PTGR2: variants seen among roughly 807,000 people sequenced by gnomAD.
PTGR2 encodes 15-oxoprostaglandin 13-reductase.
In PTGR2, 32 loss-of-function variants were observed where a neutral mutation model predicts 43.4. That is an observed-to-expected ratio of 0.74 (90% CI 0.56 to 0.99). PTGR2 has a LOEUF of 0.99. PTGR2 is among the 50% of genes least tolerant of loss of function. The pLI is 0.00. For synonymous variants in PTGR2, 106 were observed against 139.2 expected (o/e 0.76, Z 1.68); for missense variants, 373 against 420.0 (o/e 0.89, Z 0.98).
chr14:73,882,446 G>A lies in PTGR2; in HGVS notation c.979+8G>A. 1 of 1,540,510 alleles carries A rather than the reference G, an allele frequency of 6.5e-7. No homozygotes were observed. The highest frequency in any genetic ancestry group is 1.4e-5 in the African/African-American group (1 of 73,318). ...GGTTGGAAAACATGGGAGGTAAGAT[G>A]AATGTAGACTTATTATATACACATG... On this transcript the variant is annotated splice_region_variant and intron_variant, in intron 9 of 9. Transcript: ENST00000555661.
At chr14:73,857,695 A>C (rs2054390044) in intron 1 of PTGR2, among the ~76,000 whole-genome samples, 1 of 38,724 alleles carries the variant, frequency 2.6e-5, no homozygotes, top group Non-Finnish European at 6.3e-5. Flanking sequence ...TTGAGACAGA[A>C]TCTCGCTCTG....
chr14:73,881,451 G>A (rs534075196), intron 8 of PTGR2, among the ~76,000 whole-genome samples, 159 bp downstream of exon 8: 1 of 152,258 alleles, frequency 6.6e-6, no homozygotes, highest in East Asian at 1.9e-4. Context: ...TCCCAGGTGA[G>A]TATAACCTCC....
At chr14:73,882,823 TTTTTTTTTTTTTTTTG>T (rs2055025008) in intron 9 of PTGR2, among the ~76,000 whole-genome samples, 1 of 112,018 alleles carries the variant, frequency 8.9e-6, no homozygotes, top group Admixed American at 9.5e-5. Flanking sequence ...TTTTTTTTTT[TTTTTTTTTTTTTTTTG>T]AGACGGAGTC....
At chr14:73,873,973 A>G (rs750681899) in intron 3 of PTGR2, 50 bp from the exon 4 acceptor site, 14 of 1,385,050 alleles carry the variant, frequency 1.0e-5, no homozygotes, top group Non-Finnish European at 1.3e-5. Flanking sequence ...AAATTAGTAG[A>G]GTGGTTTGAC....
chr14:73,879,213 G>C lies in PTGR2; in HGVS notation c.637G>C (p.Val213Leu). ...TGCAATTAATTATAAAAAAGACAAT[G>C]TGGCAGAACAGCTCCGTGAATCATG... ...DAAINYKKDN[V>L]AEQLRESCPA... The change falls in exon 6 of 10, where the codon GTG (valine) becomes CTG (leucine). Residue 213 changes from valine (V) to leucine (L), a missense_variant. Physicochemically the swap from Val to Leu is conservative, Grantham distance 32. Coordinates refer to ENST00000555661, the MANE Select transcript of PTGR2 (RefSeq NM_001146154.2). The C allele has an allele frequency of 6.2e-7, 1 of 1,614,082 alleles. No individual in the cohort carries two copies. Among genetic ancestry groups the C allele is most frequent in the Non-Finnish European group, 8.5e-7 (1 of 1,180,012 alleles).
At chr14:73,859,909 CACAA>C in intron 2 of PTGR2, among the ~76,000 whole-genome samples, 1 of 150,136 alleles carries the variant, frequency 6.7e-6, no homozygotes, top group East Asian at 2.0e-4. Flanking sequence ...CATGCAGTGG[CACAA>C]TCTCGGCTCA....
rs538411360 is a variant in PTGR2 at position 73,879,946 on chromosome 14, G to A, written c.730-109G>A. 3.4e-5 allele frequency: 36 copies of A among 1,056,594 alleles called. No homozygotes were observed. The African/African-American group carries it at 3.7e-4, about 11-fold the overall frequency. 65.5% of individuals were successfully genotyped at this position (1,056,594 alleles called of 1,614,324 possible). ...TAACAGGTAAATTAAAAAAAAAATCGAACTAGTTGACAGAAAGGATTAAAT... is the reference window on the plus strand; with the variant it reads ...TAACAGGTAAATTAAAAAAAAAATCAAACTAGTTGACAGAAAGGATTAAAT... On this transcript the variant is annotated intron_variant, in intron 6 of 9. Transcript: ENST00000555661.
At chr14:73,858,751 T>C in intron 1 of PTGR2, 65 bp from the exon 2 acceptor site, 1 of 731,348 alleles carries the variant, frequency 1.4e-6, no homozygotes, top group Non-Finnish European at 2.1e-6. Flanking sequence ...CAAATGGACT[T>C]CTTTTTTATT....
chr14:73,876,676 C>T (rs370981295), intron 4 of PTGR2, among the ~76,000 whole-genome samples: 1 of 151,832 alleles, frequency 6.6e-6, no homozygotes, highest in South Asian at 2.1e-4. Flanking sequence ...GGGGTTTCGC[C>T]ATGTTGGCTA....
chr14:73,853,486 C>T (rs956128862), intron 1 of PTGR2, among the ~76,000 whole-genome samples: 1 of 151,866 alleles, frequency 6.6e-6, no homozygotes, highest in Admixed American at 6.6e-5. Flanking sequence ...CCACGCCGGG[C>T]TGATTTTTGT....
intron 3 of PTGR2, among the ~76,000 whole-genome samples, chr14:73,863,124 C>T (rs1482769548): frequency 6.6e-6 from 1 of 152,132 alleles, no homozygotes; most frequent in Non-Finnish European, 1.5e-5. Context: ...ACTGTCATTA[C>T]AATCAGTTTT....
chr14:73,862,803 G>T (rs1203380502), intron 3 of PTGR2, among the ~76,000 whole-genome samples: 1 of 152,012 alleles, frequency 6.6e-6, no homozygotes, highest in African/African-American at 2.4e-5. Context: ...GACCTCCTGG[G>T]CTCAAGCAGT....
Position 73,885,412 on chromosome 14 carries a change from TTAA to T in PTGR2, c.*1237_*1239del, listed in dbSNP as rs2140284433. ...TGATGTACCTCAAAAGTTTGTTTTA[TTAA>T]TTGTACTCAACCCTCGCAGAACAGT... On this transcript the variant is annotated 3_prime_UTR_variant, in exon 10 of 10. Transcript: ENST00000555661. 6.6e-6 allele frequency: 1 copy of T among 152,376 alleles called. No homozygotes were observed. The highest frequency in any genetic ancestry group is 2.4e-5 in the African/African-American group (1 of 41,596). 9.4% of individuals were successfully genotyped at this position (152,376 alleles called of 1,614,324 possible).
rs890740237 is a variant in PTGR2, at chr14:73,876,913, A to G, written c.349-85A>G. The G allele has an allele frequency of 1.4e-5, 14 of 985,442 alleles. No homozygotes were observed. In the African/African-American group the frequency reaches 1.8e-4, roughly 13 times the overall value. The allele number at this position is 985,442 out of a possible 1,614,324, so 61.0% of individuals were successfully genotyped here. On this transcript the variant is annotated intron_variant, in intron 4 of 9. Transcript: ENST00000555661. ...ACTATATAAATGTTGTGGGGACGCAATTCAGTCCATAACACGTTGTCTCTA... is the reference window on the plus strand; with the variant it reads ...ACTATATAAATGTTGTGGGGACGCAGTTCAGTCCATAACACGTTGTCTCTA...
At chr14:73,884,061 A>G (rs1472520143) in intron 9 of PTGR2, 40 bp from the exon 10 acceptor site, 2 of 1,209,574 alleles carry the variant, frequency 1.7e-6, no homozygotes, top group Admixed American at 3.6e-5. Flanking sequence ...TATGATAGTG[A>G]CATTTATCTT....
intron 3 of PTGR2, among the ~76,000 whole-genome samples, chr14:73,862,944 G>A (rs1396036069): frequency 6.6e-6 from 1 of 152,078 alleles, no homozygotes; most frequent in African/African-American, 2.4e-5. Context: ...CTGGACTCAA[G>A]CAATACTCTT....
intron 3 of PTGR2, chr14:73,861,863 T>C (rs966309273): frequency 6.6e-6 from 1 of 152,020 alleles, no homozygotes; most frequent in African/African-American, 2.4e-5. Context: ...TGTTTTGACA[T>C]AGTACTGTAA....
At chr14:73,865,897 T>C (rs2054587182) in intron 3 of PTGR2, among the ~76,000 whole-genome samples, 1 of 152,206 alleles carries the variant, frequency 6.6e-6, no homozygotes, top group Non-Finnish European at 1.5e-5. Context: ...GACTTTCAAC[T>C]CTATTCTAGC....
intron 3 of PTGR2, among the ~76,000 whole-genome samples, chr14:73,871,164 C>T (rs2054716977): frequency 6.6e-6 from 1 of 152,080 alleles, no homozygotes; most frequent in African/African-American, 2.4e-5. Flanking sequence ...GTGGTTTAAT[C>T]AATCATGTCT....
Sources: allele counts gnomAD v4.1 joint callset (sites outside exome capture counted in the v4.1 genomes callset), GRCh38; gene constraint gnomAD v4.1.1; transcripts MANE v1.5; gene names NCBI Gene and HGNC (gene_info 2026-07-23, HGNC 2026-07-21).